MOK: variants seen among roughly 807,000 people sequenced by gnomAD.
MOK encodes the protein MAPK/MAK/MRK overlapping kinase.
A neutral mutation model predicts 54.2 loss-of-function variants in MOK; 59 were observed. That is an observed-to-expected ratio of 1.09 (90% CI 0.88 to 1.35). MOK has a LOEUF of 1.35. Among genes scored for constraint, MOK ranks in the 40% most tolerant of loss-of-function variants. The pLI is 0.00. For missense variants in MOK, 517 were observed against 526.2 expected, an observed-to-expected ratio of 0.98 and a Z score of 0.17; for synonymous variants, 210 against 202.7, an observed-to-expected ratio of 1.04 and a Z score of -0.31.
intron 2 of MOK, among the ~76,000 whole-genome samples, chr14:102,282,054 C>T (rs1346941130): frequency 1.3e-5 from 2 of 152,218 alleles, no homozygotes; most frequent in Non-Finnish European, 2.9e-5. Context: ...CATCTCTAAG[C>T]ACCTATCCTC....
chr14:102,227,924 C>G (rs2064319944), downstream of MOK, among the ~76,000 whole-genome samples: 1 of 152,246 alleles, frequency 6.6e-6, no homozygotes, highest in South Asian at 2.1e-4. Flanking sequence ...CACTACTAGC[C>G]TGGGAAATTT....
chr14:102,304,846 G>T, intron 1 of MOK, 116 bp downstream of exon 1: 1 of 1,223,440 alleles, frequency 8.2e-7, no homozygotes, highest in Non-Finnish European at 1.2e-6. Flanking sequence ...TCGAGCCACG[G>T]CAGAAGGCGA....
chr14:102,300,905 T>C (rs1208291146), intron 1 of MOK, among the ~76,000 whole-genome samples: 3 of 152,156 alleles, frequency 2.0e-5, no homozygotes, highest in Admixed American at 2.0e-4. Flanking sequence ...TTGACCAGCC[T>C]GAACAACATG....
At chr14:102,276,329 C>CA (rs886719852) in intron 2 of MOK, among the ~76,000 whole-genome samples, 30 of 144,886 alleles carry the variant, frequency 2.1e-4, no homozygotes, top group South Asian at 4.4e-4. Context: ...CTAAAAAATA[C>CA]AAAAAAAAAA....
chr14:102,229,422 G>A (rs1351973533), intron 11 of MOK, 35 bp downstream of exon 11: 1 of 1,613,998 alleles, frequency 6.2e-7, no homozygotes, highest in African/African-American at 1.3e-5. Context: ...CTGGGTCGAA[G>A]AGCAGCGCCG....
chr14:102,265,060 G>A (rs780883065), intron 3 of MOK, among the ~76,000 whole-genome samples: 2 of 152,194 alleles, frequency 1.3e-5, no homozygotes, highest in Non-Finnish European at 1.5e-5. Flanking sequence ...AAGCCTTATG[G>A]AAACTATTCT....
chr14:102,295,346 G>A lies in MOK; in HGVS notation c.7+9616C>T, dbSNP rs535758459. 8.5e-5 allele frequency among the ~76,000 whole-genome samples: 13 copies of A among 152,256 alleles called. No individual in the cohort carries two copies. In the South Asian group the frequency reaches 1.4e-3, roughly 17 times the overall value. On this transcript the variant is annotated intron_variant, in intron 1 of 11. Coordinates refer to ENST00000361847, the MANE Select transcript of MOK (RefSeq NM_014226.3). ...TAAACCAAGGCTTGTTTGTTGAAGT[G>A]GAATTTAAGCCTTATTTAACAAGTG...
At chr14:102,244,739 T>C (rs912540477) in intron 7 of MOK, among the ~76,000 whole-genome samples, 2 of 152,206 alleles carry the variant, frequency 1.3e-5, no homozygotes, top group African/African-American at 2.4e-5. Context: ...TCTTCCCTTC[T>C]GTCAGACATA....
At chr14:102,267,394 C>T (rs1170097483) in intron 2 of MOK, among the ~76,000 whole-genome samples, 6 of 151,988 alleles carry the variant, frequency 3.9e-5, no homozygotes, top group Admixed American at 6.6e-5. Flanking sequence ...GGTGAAACCC[C>T]GTCTCTACTA....
At chr14:102,304,712 G>C (rs2072586994) in intron 1 of MOK, among the ~76,000 whole-genome samples, 1 of 152,216 alleles carries the variant, frequency 6.6e-6, no homozygotes, top group Non-Finnish European at 1.5e-5. Context: ...GCGGGAACTC[G>C]AGTCGGCTCT....
chr14:102,237,219 C>T (rs1008621724), intron 7 of MOK, among the ~76,000 whole-genome samples: 4 of 152,166 alleles, frequency 2.6e-5, no homozygotes, highest in East Asian at 1.9e-4. Context: ...TTTCCCTAGC[C>T]GTCTCCTTCA....
At chr14:102,263,637 TTAAAA>T (rs1269797570) in intron 3 of MOK, 21 bp from the exon 4 acceptor site, 1 of 1,555,838 alleles carries the variant, frequency 6.4e-7, no homozygotes, top group Non-Finnish European at 8.8e-7. Context: ...AAGCAAGTTT[TTAAAA>T]TAAATTTTCT....
At chr14:102,222,327 C>T (rs551684267), downstream of MOK, among the ~76,000 whole-genome samples, 1 of 152,360 alleles carries the variant, frequency 6.6e-6, no homozygotes, top group Non-Finnish European at 1.5e-5. The surrounding 1 kb of genome is among the most constrained non-coding windows in gnomAD (Gnocchi z 4.4). Flanking sequence ...GCCACGGTCA[C>T]ACCACCCAAC....
rs2072647373 is a variant in MOK at position 102,305,124 on chromosome 14, G to T, written c.-156C>A. 2 of 869,632 alleles carry T rather than the reference G, an allele frequency of 2.3e-6. No homozygotes were observed. The highest frequency in any genetic ancestry group is 2.1e-5 in the Admixed American group (1 of 47,408). The allele number at this position is 869,632 out of a possible 1,614,324, so 53.9% of individuals were successfully genotyped here. A position where few individuals can be genotyped will look rare whatever the true frequency, so the allele number is the denominator to read the frequency against. On this transcript the variant is annotated 5_prime_UTR_variant, in exon 1 of 12. Transcript: ENST00000361847. ...GAAGGAGAGCGTTAGAGATCCCGCCGCCATGTTGTGTCCCTGTCACCCTAG... is the reference window on the plus strand; with the variant it reads ...GAAGGAGAGCGTTAGAGATCCCGCCTCCATGTTGTGTCCCTGTCACCCTAG...
chr14:102,266,447 G>A (rs1323856415), intron 2 of MOK, among the ~76,000 whole-genome samples: 1 of 151,764 alleles, frequency 6.6e-6, no homozygotes, highest in Non-Finnish European at 1.5e-5. Context: ...TGGGACCACA[G>A]GTGCATCCCA....
intron 7 of MOK, among the ~76,000 whole-genome samples, chr14:102,247,946 G>A (rs1192471384): frequency 6.6e-6 from 1 of 152,142 alleles, no homozygotes; most frequent in African/African-American, 2.4e-5. Context: ...TTCAGCCCTT[G>A]TCTCCTACGC....
At chr14:102,252,087 G>T in intron 4 of MOK, 92 bp from the exon 5 acceptor site, 1 of 779,224 alleles carries the variant, frequency 1.3e-6, no homozygotes, top group Non-Finnish European at 2.1e-6. Flanking sequence ...TTAACAATGT[G>T]TGAAAATCTA....
At position 102,285,817 on chromosome 14, in the gene MOK, G is replaced by A. The variant is rs563567699; in HGVS notation, c.8-2225C>T. ...TGAGGTAGAAGAATTGCTCAAACCC[G>A]GAAGGCAGAGGTTGCAGTGAGCCAA... On this transcript the variant is annotated intron_variant, in intron 1 of 11. Transcript: ENST00000361847. Among the ~76,000 whole-genome samples the A allele has an allele frequency of 3.0e-4, 45 of 152,060 alleles. 1 individual carries two copies. In the South Asian group the frequency reaches 6.2e-3, roughly 21 times the overall value.
downstream of MOK, among the ~76,000 whole-genome samples, chr14:102,224,072 C>T (rs535909872): frequency 9.5e-4 from 135 of 141,548 alleles, 1 homozygote; most frequent in African/African-American, 3.5e-3. Flanking sequence ...GATGGAGTCT[C>T]CCTCTGTTGT....
Sources: gnomAD v4.1 joint callset for allele counts (sites outside exome capture counted in the v4.1 genomes callset) on GRCh38, gnomAD v4.1.1 for gene constraint, Gnocchi (gnomAD v3.1) non-coding constraint, MANE v1.5 for transcripts, NCBI Gene and HGNC (gene_info 2026-07-23, HGNC 2026-07-21) for gene names.